The following NTM variants were observed in gnomAD, a reference collection of about 807,000 sequenced individuals.
The protein encoded by NTM is IgLON family member 2.
In NTM, 13 loss-of-function variants were observed where a neutral mutation model predicts 42.1. The observed-to-expected ratio is 0.31, with a 90% CI of 0.20 to 0.49. The LOEUF (loss-of-function observed/expected upper bound fraction) is 0.49, where lower values mean the gene tolerates loss of function less well. NTM is among the 20% of genes least tolerant of loss of function. NTM has a pLI of 0.99. For missense variants in NTM, 373 were observed against 452.8 expected (o/e 0.82, Z 1.60); for synonymous variants, 187 against 179.2 (o/e 1.04, Z -0.35).
chr11:131,890,156 GTCTC>G (rs371353789), intron 1 of NTM, among the ~76,000 whole-genome samples: 6 of 54,944 alleles, frequency 1.1e-4, no homozygotes, highest in Non-Finnish European at 1.5e-4. Flanking sequence ...CTCTCTCTCT[GTCTC>G]TCTCTCTCTC....
intron 2 of NTM, among the ~76,000 whole-genome samples, chr11:132,099,052 C>T (rs553268483): frequency 1.8e-4 from 27 of 152,322 alleles, no homozygotes; most frequent in African/African-American, 5.8e-4. Flanking sequence ...CTGCAGAAGC[C>T]GCTGCTTATC....
chr11:131,969,398 C>T (rs1345267249), intron 2 of NTM, among the ~76,000 whole-genome samples: 2 of 152,208 alleles, frequency 1.3e-5, no homozygotes. Flanking sequence ...TTTAGCTGTA[C>T]TCTGTATGAA....
intron 1 of NTM, among the ~76,000 whole-genome samples, chr11:131,710,074 G>A (rs890837892): frequency 6.6e-6 from 1 of 152,152 alleles, no homozygotes; most frequent in African/African-American, 2.4e-5. Flanking sequence ...CAAGAACAAT[G>A]TGAGTGCACT....
At chr11:131,541,650 C>A (rs1010234706) in intron 1 of NTM, among the ~76,000 whole-genome samples, 4 of 152,186 alleles carry the variant, frequency 2.6e-5, no homozygotes, top group African/African-American at 9.7e-5. Context: ...TGTGTATAAA[C>A]AAGCAATGAG....
chr11:131,464,335 C>T (rs1951685315), intron 1 of NTM, among the ~76,000 whole-genome samples: 1 of 151,048 alleles, frequency 6.6e-6, no homozygotes, highest in South Asian at 2.1e-4. Flanking sequence ...ACCCTCACTA[C>T]ACCCGCAGCA....
intron 1 of NTM, among the ~76,000 whole-genome samples, chr11:131,751,930 T>A (rs1292654688): frequency 6.6e-6 from 1 of 152,188 alleles, no homozygotes; most frequent in Non-Finnish European, 1.5e-5. Flanking sequence ...GTGGCTGTAG[T>A]GTGATACCTG....
intron 2 of NTM, among the ~76,000 whole-genome samples, chr11:132,054,933 G>A (rs1182303700): frequency 1.3e-5 from 2 of 152,184 alleles, no homozygotes; most frequent in Middle Eastern, 3.2e-3. Flanking sequence ...TGAATTATCT[G>A]TGGTTAAGGG....
chr11:131,439,341 G>A (rs997228340), intron 1 of NTM, among the ~76,000 whole-genome samples: 1 of 152,230 alleles, frequency 6.6e-6, no homozygotes, highest in African/African-American at 2.4e-5. Context: ...TCTCTTCAGA[G>A]CTGTCAGTCA....
chr11:131,449,605 G>A lies in NTM; in HGVS notation c.82+78717G>A, dbSNP rs549270297. Reference sequence around the variant, plus strand: ...CCAGCACCGGCCAGATCTGTGCTGCGTTCATCTCTCTCATCAAACCCTCTC... The same window carrying A: ...CCAGCACCGGCCAGATCTGTGCTGCATTCATCTCTCTCATCAAACCCTCTC... On this transcript the variant is annotated intron_variant, in intron 1 of 8. Transcript: ENST00000683400. Among the ~76,000 whole-genome samples, 24 of 152,296 alleles carry A rather than the reference G, an allele frequency of 1.6e-4. No homozygotes were observed. The South Asian group carries it at 2.1e-3, about 13-fold the overall frequency.
At chr11:131,793,225 T>C (rs2091168933) in intron 1 of NTM, among the ~76,000 whole-genome samples, 2 of 152,284 alleles carry the variant, frequency 1.3e-5, no homozygotes, top group South Asian at 4.1e-4. Context: ...ATAATGGTAA[T>C]GCTACTATTA....
intron 7 of NTM, among the ~76,000 whole-genome samples, chr11:132,321,123 C>T (rs1236840507): frequency 6.6e-6 from 1 of 152,322 alleles, no homozygotes; most frequent in East Asian, 1.9e-4. Flanking sequence ...GAGCGCCTCT[C>T]CTCCTCCAAA....
chr11:132,212,202 C>T, intron 4 of NTM, 55 bp downstream of exon 4: 1 of 1,518,474 alleles, frequency 6.6e-7, no homozygotes, highest in Non-Finnish European at 9.0e-7. Flanking sequence ...GAATTTTGGG[C>T]CTTTGGTAGG....
chr11:131,877,164 G>A (rs1322917087), intron 1 of NTM, among the ~76,000 whole-genome samples: 2 of 152,132 alleles, frequency 1.3e-5, no homozygotes, highest in African/African-American at 4.8e-5. Context: ...AGGCCCCAAG[G>A]CATACTTTTT....
intron 4 of NTM, among the ~76,000 whole-genome samples, chr11:132,282,511 C>T (rs1565378995): frequency 6.6e-6 from 1 of 152,128 alleles, no homozygotes. Flanking sequence ...TTTTTGTCTA[C>T]AACAACTCTG....
intron 2 of NTM, among the ~76,000 whole-genome samples, chr11:131,952,377 T>C (rs1219086110): frequency 1.3e-5 from 2 of 152,260 alleles, no homozygotes; most frequent in East Asian, 3.8e-4. Context: ...TTTAAACTTA[T>C]TTGTATTGTG....
chr11:131,570,386 C>A (rs1166953408), intron 1 of NTM, among the ~76,000 whole-genome samples: 2 of 152,176 alleles, frequency 1.3e-5, no homozygotes, highest in African/African-American at 4.8e-5. Flanking sequence ...AGAATTGATT[C>A]ACAAATCCTA....
chr11:131,816,114 G>T (rs1048670952), intron 1 of NTM, among the ~76,000 whole-genome samples: 11 of 152,234 alleles, frequency 7.2e-5, no homozygotes, highest in East Asian at 1.9e-4. Flanking sequence ...GGAAAATTCT[G>T]CCTTTTTTGA....
chr11:131,482,888 C>A (rs144035656), intron 1 of NTM, among the ~76,000 whole-genome samples: 1 of 152,034 alleles, frequency 6.6e-6, no homozygotes. Context: ...GTGGGGGAGT[C>A]GAGCATGGGT....
intron 1 of NTM, among the ~76,000 whole-genome samples, chr11:131,406,585 A>G (rs955754500): frequency 2.6e-5 from 4 of 152,236 alleles, no homozygotes. Flanking sequence ...TATATATAAC[A>G]TATGATAATG....
Sources: allele counts gnomAD v4.1 joint callset (sites outside exome capture counted in the v4.1 genomes callset), GRCh38; gene constraint gnomAD v4.1.1; transcripts MANE v1.5; gene names NCBI Gene and HGNC (gene_info 2026-07-23, HGNC 2026-07-21).